The following PRR12 variants were observed in gnomAD, a reference collection of about 807,000 sequenced individuals.
The protein encoded by PRR12 is proline rich 12.
A neutral mutation model predicts 138.0 loss-of-function variants in PRR12; 12 were observed. The observed-to-expected ratio is 0.09, with a 90% CI of 0.06 to 0.14. The LOEUF is 0.14. Among genes scored for constraint, PRR12 ranks in the 10% least tolerant of loss-of-function variants. The pLI, the probability that PRR12 is intolerant of heterozygous loss-of-function variation, is 1.00. For missense variants in PRR12, 2,692 were observed against 2,861.3 expected (o/e 0.94, Z 1.35); for synonymous variants, 1,567 against 1,291.7 (o/e 1.21, Z -4.57).
At chr19:49,603,051 T>C (rs7253295) in intron 6 of PRR12, among the ~76,000 whole-genome samples, 2,754 of 152,356 alleles carry the variant, frequency 0.018, 83 homozygotes, top group African/African-American at 0.062. Context: ...TCTATGGCTG[T>C]TTTTCCCATA....
At chr19:49,618,058 A>G (rs112118092) in intron 9 of PRR12, among the ~76,000 whole-genome samples, 6,969 of 152,248 alleles carry the variant, frequency 0.046, 206 homozygotes, top group South Asian at 0.11. Flanking sequence ...AGATTGCGCC[A>G]TTGCATTCCA....
Position 49,595,300 on chromosome 19 carries a change from C to G in PRR12, c.965C>G (p.Ser322Cys). 6.5e-7 allele frequency: 1 copy of G among 1,545,348 alleles called. No homozygotes were observed. Among genetic ancestry groups the G allele is most frequent in the South Asian group, 1.2e-5 (1 of 83,852 alleles). The change falls in exon 4 of 14, where the codon TCC becomes TGC. Residue 322 changes from serine (S) to cysteine (C), a missense_variant. Physicochemically the swap from Ser to Cys is moderately radical, Grantham distance 112. Transcript: ENST00000418929. ...HYLSCGGSYP[S>C]MGHRANLACS... ...CTGAGCTGTGGAGGCAGCTACCCCT[C>G]CATGGGCCACCGGGCCAACCTGGCC...
In PRR12 at chr19:49,597,582, C is replaced by T. The variant is rs1230662136; in HGVS notation, c.3247C>T (p.Arg1083Cys). ...GACATCCTCCTTCCACCTGCTGCGG[C>T]GCCGCGACCCACCCTTCCAGACCCC... ...LKTSSFHLLR[R>C]RDPPFQTPKK... The change falls in exon 4 of 14, where the codon CGC (arginine) becomes TGC (cysteine). Residue 1083 changes from arginine (R) to cysteine (C), a missense_variant. Arg to Cys is a radical substitution (Grantham distance 180). Coordinates refer to ENST00000418929, the MANE Select transcript of PRR12 (RefSeq NM_020719.3). This position sits in a 1 kb window ranked among gnomAD's most constrained non-coding sequence, Gnocchi z 6.3. The T allele has an allele frequency of 3.1e-6, 5 of 1,605,692 alleles. No homozygotes were observed. Among genetic ancestry groups the T allele is most frequent in the Non-Finnish European group, 4.2e-6 (5 of 1,177,296 alleles).
chr19:49,600,079 C>T lies in PRR12; in HGVS notation c.4345+141C>T, dbSNP rs2080801719. On this transcript the variant is annotated intron_variant, in intron 5 of 13. Transcript: ENST00000418929. ...CTTGCGTGTTTATGAAGGGACTTTC[C>T]TGATTACACAAGCATTTTGAGGAAG... 4 of 1,002,032 alleles carry T rather than the reference C, an allele frequency of 4.0e-6. No homozygotes were observed. The South Asian group carries it at 5.3e-5, about 13-fold the overall frequency. The allele number at this position is 1,002,032 out of a possible 1,614,324, so 62.1% of individuals were successfully genotyped here.
intron 10 of PRR12, among the ~76,000 whole-genome samples, chr19:49,621,041 T>A (rs1421490284): frequency 4.0e-5 from 3 of 74,130 alleles, no homozygotes; most frequent in Non-Finnish European, 7.7e-5. Context: ...CTCCTGGGTC[T>A]GAGGGAGGAG....
At chr19:49,608,496 G>A (rs1006307168) in intron 6 of PRR12, among the ~76,000 whole-genome samples, 2 of 151,928 alleles carry the variant, frequency 1.3e-5, no homozygotes, top group Non-Finnish European at 2.9e-5. Context: ...TCAGCCTCCC[G>A]AGTAGCGCAG....
At chr19:49,615,394 A>C (rs1641586844) in intron 8 of PRR12, among the ~76,000 whole-genome samples, 1 of 149,768 alleles carries the variant, frequency 6.7e-6, no homozygotes, top group African/African-American at 2.5e-5. Context: ...GGGGACAGAG[A>C]CTCACAGAAG....
chr19:49,617,983 A>G (rs2080901570), intron 9 of PRR12, among the ~76,000 whole-genome samples: 1 of 152,146 alleles, frequency 6.6e-6, no homozygotes, highest in African/African-American at 2.4e-5. Flanking sequence ...CTATAATCAC[A>G]GCGACTCGGG....
At chr19:49,593,246 C>G (rs1215876890) in intron 1 of PRR12, 81 bp from the exon 2 acceptor site, 2 of 683,750 alleles carry the variant, frequency 2.9e-6, no homozygotes, top group South Asian at 3.7e-5. Flanking sequence ...AGGGTCCCCC[C>G]AACTCCCCGG....
Position 49,599,299 on chromosome 19 carries a change from G to A in PRR12, c.3706G>A (p.Glu1236Lys), listed in dbSNP as rs767858017. ...KIKLSVPKAGEGLGTSSGDAI... is the reference protein window; with the variant it reads ...KIKLSVPKAGKGLGTSSGDAI... ...CAAGCTGTCTGTGCCCAAGGCTGGC[G>A]AGGGTCTGGGAACCTCATCGGGTGA... The change falls in exon 5 of 14, where the codon GAG (glutamate) becomes AAG (lysine). Residue 1236 changes from glutamate (E) to lysine (K), a missense_variant. Coordinates refer to ENST00000418929, the MANE Select transcript of PRR12 (RefSeq NM_020719.3). The surrounding 1 kb of genome is among the most constrained non-coding windows in gnomAD (Gnocchi z 5.0). 1.4e-5 allele frequency: 23 copies of A among 1,609,142 alleles called. No homozygotes were observed. The highest frequency in any genetic ancestry group is 1.7e-4 in the Middle Eastern group (1 of 6,056).
In PRR12 at chr19:49,595,895, C is replaced by G; in HGVS notation, c.1560C>G (p.His520Gln). ...QGEPYPGPAA[H>Q]SQGLPTASPS... ...AGCCATACCCAGGGCCAGCCGCCCA[C>G]TCCCAGGGGCTGCCCACAGCCAGCC... The change falls in exon 4 of 14, where the codon CAC becomes CAG. Residue 520 changes from histidine to glutamine, a missense_variant. Transcript: ENST00000418929. 1 of 1,603,172 alleles carries G rather than the reference C, an allele frequency of 6.2e-7. No homozygotes were observed. The highest frequency in any genetic ancestry group is 8.5e-7 in the Non-Finnish European group (1 of 1,179,564).
intron 6 of PRR12, among the ~76,000 whole-genome samples, chr19:49,609,598 CAAAA>C (rs756447972): frequency 5.7e-5 from 6 of 105,994 alleles, no homozygotes; most frequent in Non-Finnish European, 6.0e-5. Context: ...GAGACTGTCT[CAAAA>C]AAAAAAAAAA....
chr19:49,623,476 CA>C (rs2080936101), intron 11 of PRR12, among the ~76,000 whole-genome samples: 1 of 151,700 alleles, frequency 6.6e-6, no homozygotes, highest in African/African-American at 2.4e-5. Flanking sequence ...TAAAAATACA[CA>C]AAAAATTAGC....
In PRR12 at chr19:49,614,940, A is replaced by G. The variant is rs2080883783; in HGVS notation, c.4955A>G (p.Asn1652Ser). ...YQRLYVKFLE[N>S]VNKKDYVRVC... ...CGCCTCTATGTAAAGTTCCTGGAAAATGTCAATAAGAAGGACTACGTGAGG... is the reference window on the plus strand; with the variant it reads ...CGCCTCTATGTAAAGTTCCTGGAAAGTGTCAATAAGAAGGACTACGTGAGG... Residue 1652 changes from asparagine to serine, a missense_variant, in exon 8 of 14, where the codon AAT becomes AGT. Around this residue, in one of 11 missense-constraint regions of PRR12, gnomAD observed 92 missense variants for 174.1 expected, o/e 0.53. Transcript: ENST00000418929. This position sits in a 1 kb window ranked among gnomAD's most constrained non-coding sequence, Gnocchi z 5.0. 1 of 1,613,880 alleles carries G rather than the reference A, an allele frequency of 6.2e-7. No individual in the cohort carries two copies. Among genetic ancestry groups the G allele is most frequent in the Non-Finnish European group, 8.5e-7 (1 of 1,179,888 alleles).
At chr19:49,620,928 G>A (rs1173268803) in intron 10 of PRR12, among the ~76,000 whole-genome samples, 3 of 146,716 alleles carry the variant, frequency 2.0e-5, no homozygotes, top group Admixed American at 6.8e-5. Flanking sequence ...CTGGACTCCC[G>A]GGTCTGAGGA....
Position 49,595,150 on chromosome 19 carries a change from C to G in PRR12, c.815C>G (p.Ala272Gly). Residue 272 changes from alanine to glycine, a missense_variant, in exon 4 of 14, where the codon GCC becomes GGC. Transcript: ENST00000418929. ...SPQLYNFSGA[A>G]PGPPPPERAL... ...CAGCTCTATAACTTCTCGGGTGCTG[C>G]CCCGGGCCCACCGCCGCCTGAGCGG... is the stretch of plus-strand genomic sequence containing the variant. 6.2e-7 allele frequency: 1 copy of G among 1,611,408 alleles called. No individual in the cohort carries two copies. Among genetic ancestry groups the G allele is most frequent in the Non-Finnish European group, 8.5e-7 (1 of 1,179,562 alleles).
intron 9 of PRR12, among the ~76,000 whole-genome samples, chr19:49,619,851 C>CATTT (rs748070778): frequency 1.9e-4 from 10 of 53,938 alleles, no homozygotes; most frequent in African/African-American, 8.8e-4. Flanking sequence ...CAATGCCTGG[C>CATTT]TTTTTTTTTT....
chr19:49,594,318 T>C lies in PRR12; in HGVS notation c.200-136T>C. On this transcript the variant is annotated intron_variant, in intron 2 of 13. Coordinates refer to ENST00000418929, the MANE Select transcript of PRR12 (RefSeq NM_020719.3). The surrounding 1 kb of genome is among the most constrained non-coding windows in gnomAD (Gnocchi z 5.6). ...TCTCATTAGCTTGGTTCTATCCATCTTGTTTTTGAATTTGCCCTTTTCTCT... is the reference window on the plus strand; with the variant it reads ...TCTCATTAGCTTGGTTCTATCCATCCTGTTTTTGAATTTGCCCTTTTCTCT... 1 of 736,798 alleles carries C rather than the reference T, an allele frequency of 1.4e-6. No homozygotes were observed. The highest frequency in any genetic ancestry group is 2.0e-5 in the South Asian group (1 of 50,820). 45.6% of individuals were successfully genotyped at this position (736,798 alleles called of 1,614,324 possible). A position where few individuals can be genotyped will look rare whatever the true frequency, so the allele number is the denominator to read the frequency against.
At chr19:49,601,465 A>G in intron 5 of PRR12, 26 bp from the exon 6 acceptor site, 1 of 1,333,126 alleles carries the variant, frequency 7.5e-7, no homozygotes, top group Non-Finnish European at 1.0e-6. Flanking sequence ...AATAACATCC[A>G]GGCCTGATGT....
Sources: gnomAD v4.1 joint callset for allele counts (sites outside exome capture counted in the v4.1 genomes callset) on GRCh38, gnomAD v4.1.1 for gene constraint, gnomAD v4.1.1 regional missense constraint, Gnocchi (gnomAD v3.1) non-coding constraint, MANE v1.5 for transcripts, NCBI Gene and HGNC (gene_info 2026-07-23, HGNC 2026-07-21) for gene names.